The following SLC39A6 variants were observed in gnomAD, a reference collection of about 807,000 sequenced individuals.
SLC39A6 encodes zinc transporter ZIP6.
Under a neutral mutation model 63.5 loss-of-function variants are expected in SLC39A6, and 51 were observed. The observed-to-expected ratio is 0.80, with a 90% CI of 0.64 to 1.01. The LOEUF (loss-of-function observed/expected upper bound fraction) is 1.01, where lower values mean the gene tolerates loss of function less well. SLC39A6 is among the 50% of genes least tolerant of loss of function. SLC39A6 has a pLI of 0.00. For missense variants in SLC39A6, 805 were observed against 927.8 expected (o/e 0.87, Z 1.72); for synonymous variants, 318 against 324.7 (o/e 0.98, Z 0.22).
intron 5 of SLC39A6, 138 bp from the exon 6 acceptor site, chr18:36,116,917 C>A (rs2089350240): frequency 3.2e-6 from 2 of 615,880 alleles, no homozygotes; most frequent in Admixed American, 3.1e-5. Flanking sequence ...ACACTAGCAG[C>A]ACACTATCTC....
intron 6 of SLC39A6, among the ~76,000 whole-genome samples, chr18:36,115,417 G>A (rs557586270): frequency 1.4e-4 from 21 of 151,238 alleles, no homozygotes; most frequent in Non-Finnish European, 2.2e-4. Flanking sequence ...ACTCCAGCCT[G>A]GGTGACAGAG....
chr18:36,126,733 A>G lies in SLC39A6; in HGVS notation c.275T>C (p.Ile92Thr), dbSNP rs765871174. 53 of 1,614,002 alleles carry G rather than the reference A, an allele frequency of 3.3e-5. No individual in the cohort carries two copies. The highest frequency in any genetic ancestry group is 4.1e-5 in the Non-Finnish European group (48 of 1,179,984). ...TGAGTGATGGTCGTGGTCATGGTGT[A>G]TATGGATTCTTTTAATCTTATCTAT... ...IGIDKIKRIH[I>T]HHDHDHHSDH... Residue 92 changes from isoleucine (I) to threonine (T), a missense_variant, in exon 2 of 10, where the codon ATA (isoleucine) becomes ACA (threonine). Ile to Thr is a moderately conservative substitution (Grantham distance 89). This residue lies in a region of SLC39A6 where 639 missense variants were observed against 644.0 expected (regional missense o/e 0.99). Transcript: ENST00000269187.
rs980502071 is a variant in SLC39A6, at chr18:36,114,010, T to C, written c.1843+87A>G. 1.6e-5 allele frequency: 24 copies of C among 1,468,382 alleles called. No homozygotes were observed. In the Admixed American group the frequency reaches 2.4e-4, roughly 15 times the overall value. 91.0% of individuals were successfully genotyped at this position (1,468,382 alleles called of 1,614,324 possible). On this transcript the variant is annotated intron_variant, in intron 7 of 9. Coordinates refer to ENST00000269187, the MANE Select transcript of SLC39A6 (RefSeq NM_012319.4). ...AAGTCACTAATATCCTCATCTAAAC[T>C]AATCTATTCTTTGTTAAAATTTGAC...
At position 36,126,873 on chromosome 18, in the gene SLC39A6, A is replaced by G. The variant is rs2089443868; in HGVS notation, c.135T>C (p.Asn45=). ...GCCGTGTGGAAATTGCCAAGTCAACATTAATGCCAGATTCCCAATTCGGAC... is the reference window on the plus strand; with the variant it reads ...GCCGTGTGGAAATTGCCAAGTCAACGTTAATGCCAGATTCCCAATTCGGAC... The part of the protein sequence containing the change: ...KISPNWESGI[N]VDLAISTRQY... Residue 45 remains asparagine, a synonymous_variant, in exon 2 of 10, where the codon AAT becomes AAC. Coordinates refer to ENST00000269187, the MANE Select transcript of SLC39A6 (RefSeq NM_012319.4). The G allele has an allele frequency of 6.2e-7, 1 of 1,614,102 alleles. No individual in the cohort carries two copies.
At chr18:36,110,542 A>AC (rs2089292758) in intron 9 of SLC39A6, among the ~76,000 whole-genome samples, 1 of 151,648 alleles carries the variant, frequency 6.6e-6, no homozygotes, top group South Asian at 2.1e-4. Flanking sequence ...TTTTTAAAAA[A>AC]ATGATTTTTT....
Position 36,112,569 on chromosome 18 carries a change from G to A in SLC39A6, c.1856C>T (p.Thr619Ile). The A allele has an allele frequency of 6.2e-7, 1 of 1,613,392 alleles. No individual in the cohort carries two copies. The highest frequency in any genetic ancestry group is 8.5e-7 in the Non-Finnish European group (1 of 1,179,486). ...SDGLAIGAAF[T>I]EGLSSGLSTS... Reference sequence around the variant, plus strand: ...ACTTAAACCACTTGATAAGCCTTCAGTAAAAGCAGCACCTGTGTAAAAATC... The same window carrying A: ...ACTTAAACCACTTGATAAGCCTTCAATAAAAGCAGCACCTGTGTAAAAATC... The change falls in exon 8 of 10, where the codon ACT (threonine) becomes ATT (isoleucine). Residue 619 changes from threonine to isoleucine, a missense_variant. By Grantham distance (89) the Thr-to-Ile change is moderately conservative (BLOSUM62 -1). Coordinates refer to ENST00000269187, the MANE Select transcript of SLC39A6 (RefSeq NM_012319.4).
In SLC39A6 at chr18:36,126,736, T is replaced by C. The variant is rs1216768190; in HGVS notation, c.272A>G (p.His91Arg). Residue 91 changes from histidine to arginine, a missense_variant, in exon 2 of 10, where the codon CAT becomes CGT. His to Arg is a conservative substitution (Grantham distance 29). Around this residue, in one of 4 missense-constraint regions of SLC39A6, gnomAD observed 639 missense variants for 644.0 expected, o/e 0.99. Coordinates refer to ENST00000269187, the MANE Select transcript of SLC39A6 (RefSeq NM_012319.4). ...GTGATGGTCGTGGTCATGGTGTATA[T>C]GGATTCTTTTAATCTTATCTATGCC... ...NIGIDKIKRIHIHHDHDHHSD... is the reference protein window; with the variant it reads ...NIGIDKIKRIRIHHDHDHHSD... 1.9e-6 allele frequency: 3 copies of C among 1,614,262 alleles called. No homozygotes were observed. The highest frequency in any genetic ancestry group is 1.1e-5 in the South Asian group (1 of 91,088).
At chr18:36,115,777 G>A (rs1466866846) in intron 6 of SLC39A6, among the ~76,000 whole-genome samples, 1 of 152,208 alleles carries the variant, frequency 6.6e-6, no homozygotes, top group African/African-American at 2.4e-5. Context: ...GAAGATCATG[G>A]CAAGGAGCTG....
rs532158912 is a variant in SLC39A6 at position 36,117,780 on chromosome 18, C to T, written c.1360-1001G>A. On this transcript the variant is annotated intron_variant, in intron 5 of 9. Transcript: ENST00000269187. The stretch of plus-strand genomic sequence containing the variant: ...GGCATGGTGGCGAACGCCTGTAATC[C>T]CAGCACTTTGGGAGGCCGAGGTGGG... Among the ~76,000 whole-genome samples, 4 of 152,184 alleles carry T rather than the reference C, an allele frequency of 2.6e-5. No individual in the cohort carries two copies. The South Asian group carries it at 8.3e-4, about 32-fold the overall frequency.
chr18:36,127,201 A>C (rs1107840), intron 1 of SLC39A6, among the ~76,000 whole-genome samples, 185 bp from the exon 2 acceptor site: 45,663 of 152,178 alleles, frequency 0.3, 7,265 homozygotes, highest in Middle Eastern at 0.46. Context: ...CTACCCTTGC[A>C]TTCCTAAAAC....
intron 1 of SLC39A6, among the ~76,000 whole-genome samples, chr18:36,128,209 G>C (rs954527828): frequency 6.6e-6 from 1 of 152,168 alleles, no homozygotes; most frequent in Non-Finnish European, 1.5e-5. Context: ...GATCCAGCAG[G>C]ATGTCCAGCA....
At chr18:36,115,120 T>C (rs896566503) in intron 6 of SLC39A6, among the ~76,000 whole-genome samples, 3 of 151,692 alleles carry the variant, frequency 2.0e-5, no homozygotes, top group Non-Finnish European at 4.4e-5. Context: ...TCCCCATCAT[T>C]ACACATTTCA....
In SLC39A6 at chr18:36,109,713, G is replaced by T. The variant is rs768596091; in HGVS notation, c.2148C>A (p.Asp716Glu). ...AATACCCCCAGCGGCTACATCCATG[G>T]TCACTAGCATCATTGTGCAGCATTT... ...VPEMLHNDAS[D>E]HGCSRWGYFF... The change falls in exon 10 of 10, where the codon GAC becomes GAA. Residue 716 changes from aspartate (D) to glutamate (E), a missense_variant. Physicochemically the swap from Asp to Glu is conservative, Grantham distance 45. Transcript: ENST00000269187. The T allele has an allele frequency of 6.2e-7, 1 of 1,612,542 alleles. No homozygotes were observed.
At chr18:36,119,528 T>C (rs1056102659) in intron 5 of SLC39A6, among the ~76,000 whole-genome samples, 2 of 152,020 alleles carry the variant, frequency 1.3e-5, no homozygotes, top group African/African-American at 2.4e-5. Context: ...CACATTAATA[T>C]ATGTAATGTA....
intron 3 of SLC39A6, among the ~76,000 whole-genome samples, 178 bp from the exon 4 acceptor site, chr18:36,123,842 G>A (rs2089413697): frequency 6.6e-6 from 1 of 152,096 alleles, no homozygotes; most frequent in Non-Finnish European, 1.5e-5. Flanking sequence ...ATCTGTTGTT[G>A]GCTCAAATGA....
chr18:36,124,298 T>A (rs1044986170), intron 3 of SLC39A6, among the ~76,000 whole-genome samples: 1 of 129,670 alleles, frequency 7.7e-6, no homozygotes. Flanking sequence ...TCTTGTAGGA[T>A]GAACCCAGAG....
At chr18:36,112,812 C>T (rs1449742942) in intron 7 of SLC39A6, among the ~76,000 whole-genome samples, 1 of 152,134 alleles carries the variant, frequency 6.6e-6, no homozygotes, top group Admixed American at 6.6e-5. Flanking sequence ...TTTTCTAGGC[C>T]TTAGAATGAG....
At chr18:36,122,519 T>G (rs1022209121) in intron 4 of SLC39A6, among the ~76,000 whole-genome samples, 1 of 152,230 alleles carries the variant, frequency 6.6e-6, no homozygotes, top group Non-Finnish European at 1.5e-5. Flanking sequence ...AGTGAGCATT[T>G]TCAATGCTTG....
chr18:36,125,369 CA>C (rs71381563), intron 2 of SLC39A6, among the ~76,000 whole-genome samples: 1 of 142,298 alleles, frequency 7.0e-6, no homozygotes, highest in African/African-American at 2.6e-5. Flanking sequence ...AAAAAAACAA[CA>C]AAAAAACCCC....
Sources: gnomAD v4.1 joint callset for allele counts (sites outside exome capture counted in the v4.1 genomes callset) on GRCh38, gnomAD v4.1.1 for gene constraint, gnomAD v4.1.1 regional missense constraint, MANE v1.5 for transcripts, NCBI Gene and HGNC (gene_info 2026-07-23, HGNC 2026-07-21) for gene names.